Variants in SCD5 observed in about 807,000 individuals in gnomAD.
SCD5 encodes stearoyl-CoA desaturase 5, also known as acyl-CoA-desaturase 4.
Under a neutral mutation model 30.4 loss-of-function variants are expected in SCD5, and 20 were observed. The observed-to-expected ratio is 0.66, with a 90% CI of 0.46 to 0.96. SCD5 has a LOEUF of 0.96. SCD5 is among the 40% of genes least tolerant of loss of function. SCD5 has a pLI of 0.00. For synonymous variants in SCD5, 173 were observed against 176.4 expected, an observed-to-expected ratio of 0.98 and a Z score of 0.16; for missense variants, 381 against 443.3, an observed-to-expected ratio of 0.86 and a Z score of 1.26.
At chr4:82,720,460 A>T (rs920107349) in intron 1 of SCD5, among the ~76,000 whole-genome samples, 3 of 151,220 alleles carry the variant, frequency 2.0e-5, no homozygotes, top group Non-Finnish European at 2.9e-5. Flanking sequence ...AAAAAAAAAA[A>T]AAAGACAAAA....
At chr4:82,720,565 AT>A (rs1163717638) in intron 1 of SCD5, among the ~76,000 whole-genome samples, 2 of 151,994 alleles carry the variant, frequency 1.3e-5, no homozygotes, top group Non-Finnish European at 2.9e-5. Context: ...AATTTCAGAA[AT>A]TATTAATAAT....
At chr4:82,646,607 C>A (rs1410974246) in intron 3 of SCD5, among the ~76,000 whole-genome samples, 1 of 152,068 alleles carries the variant, frequency 6.6e-6, no homozygotes, top group Non-Finnish European at 1.5e-5. Flanking sequence ...TGGCTTTGAC[C>A]CTGAATTAGT....
At position 82,680,851 on chromosome 4, in the gene SCD5, G is replaced by C. The variant is rs868319209; in HGVS notation, c.425C>G (p.Ala142Gly). Residue 142 changes from alanine to glycine, a missense_variant, in exon 3 of 5, where the codon GCT (alanine) becomes GGT (glycine). Physicochemically the swap from Ala to Gly is moderately conservative, Grantham distance 60. Transcript: ENST00000319540. ...GCCCCGGCGGGCATTGTGGGGGTCAGCATCCGTCTCTGAGTACTTGTGGTG... is the reference window on the plus strand; with the variant it reads ...GCCCCGGCGGGCATTGTGGGGGTCACCATCCGTCTCTGAGTACTTGTGGTG... ...RAHHKYSETD[A>G]DPHNARRGFF... 14 of 1,613,834 alleles carry C rather than the reference G, an allele frequency of 8.7e-6. No individual in the cohort carries two copies. In the Middle Eastern group the frequency reaches 2.0e-3, roughly 228 times the overall value.
At chr4:82,721,994 C>T (rs1220654999) in intron 1 of SCD5, among the ~76,000 whole-genome samples, 1 of 152,208 alleles carries the variant, frequency 6.6e-6, no homozygotes, top group African/African-American at 2.4e-5. Flanking sequence ...CTCCACCCTT[C>T]CTGTTGCACA....
intron 1 of SCD5, among the ~76,000 whole-genome samples, chr4:82,727,866 C>A (rs1420371546): frequency 6.6e-6 from 1 of 152,152 alleles, no homozygotes; most frequent in East Asian, 1.9e-4. Flanking sequence ...CACCATCACA[C>A]CCAGCTAATT....
Position 82,635,048 on chromosome 4 carries a change from C to T in SCD5, c.802+1543G>A, listed in dbSNP as rs111720898. ...TGGCCCTAATGAAGTGATGCAGAAT[C>T]TCATCACTGAGTGACACAGAGACCA... On this transcript the variant is annotated intron_variant, in intron 4 of 4. Transcript: ENST00000319540. Among the ~76,000 whole-genome samples, 1,226 of 152,320 alleles carry T rather than the reference C, an allele frequency of 8.0e-3. 10 individuals carry two copies. The highest frequency in any genetic ancestry group is 0.048 in the Middle Eastern group (14 of 294).
chr4:82,641,559 T>C (rs1004089642), intron 3 of SCD5, among the ~76,000 whole-genome samples: 2 of 152,076 alleles, frequency 1.3e-5, no homozygotes, highest in Non-Finnish European at 2.9e-5. Context: ...AGTTAGCCAT[T>C]TGGCTAACTG....
chr4:82,713,974 T>A (rs1720165687), intron 1 of SCD5, among the ~76,000 whole-genome samples: 1 of 152,208 alleles, frequency 6.6e-6, no homozygotes, highest in South Asian at 2.1e-4. Flanking sequence ...GGGTACTCTA[T>A]GATCGCTACA....
chr4:82,684,897 A>G (rs1439960605), intron 2 of SCD5, among the ~76,000 whole-genome samples: 2 of 152,224 alleles, frequency 1.3e-5, no homozygotes, highest in South Asian at 2.1e-4. Flanking sequence ...ACTGTCAAGT[A>G]TGGGTAATCT....
At chr4:82,720,435 C>CAAAAAAAA (rs1720343333) in intron 1 of SCD5, among the ~76,000 whole-genome samples, 4 of 14,394 alleles carry the variant, frequency 2.8e-4, no homozygotes, top group African/African-American at 7.8e-4. Context: ...TCAAAAAAGG[C>CAAAAAAAA]AAAAATAAAA....
chr4:82,773,881 G>A (rs1721681591), intron 1 of SCD5, among the ~76,000 whole-genome samples: 1 of 152,096 alleles, frequency 6.6e-6, no homozygotes, highest in Non-Finnish European at 1.5e-5. Context: ...CTTGAGGTCA[G>A]GAGTTTGAGA....
At chr4:82,671,840 C>T (rs1339749388) in intron 3 of SCD5, among the ~76,000 whole-genome samples, 1 of 152,166 alleles carries the variant, frequency 6.6e-6, no homozygotes, top group African/African-American at 2.4e-5. Context: ...GAGATTGCAC[C>T]ACTGCACTCC....
intron 2 of SCD5, among the ~76,000 whole-genome samples, chr4:82,682,814 A>T (rs781441229): frequency 2.0e-5 from 3 of 151,948 alleles, no homozygotes; most frequent in Admixed American, 6.6e-5. Flanking sequence ...ATGCCCAGCT[A>T]ATTTTTTGTT....
At chr4:82,710,106 G>A (rs1408185283) in intron 1 of SCD5, among the ~76,000 whole-genome samples, 1 of 152,168 alleles carries the variant, frequency 6.6e-6, no homozygotes, top group African/African-American at 2.4e-5. Flanking sequence ...CCCTGGCTGT[G>A]CATTACAGTC....
Position 82,795,809 on chromosome 4 carries a change from C to CAAAA in SCD5, c.232+2493_232+2496dup, listed in dbSNP as rs72115040. Among the ~76,000 whole-genome samples the CAAAA allele has an allele frequency of 3.3e-3, 145 of 43,908 alleles. 19 individuals carry two copies. The highest frequency in any genetic ancestry group is 0.012 in the South Asian group (9 of 776). The allele number at this position is 43,908 out of a possible 152,430, so 28.8% of individuals were successfully genotyped here. On this transcript the variant is annotated intron_variant, in intron 1 of 4. Coordinates refer to ENST00000319540, the MANE Select transcript of SCD5 (RefSeq NM_001037582.3). ...TGCACTCCAGCAAGACCCTGTCTCA[C>CAAAA]AAAAAAAAAAAAAAAAAAAAAAAAA...
chr4:82,740,458 G>T (rs1317257599), intron 1 of SCD5, among the ~76,000 whole-genome samples: 1 of 152,236 alleles, frequency 6.6e-6, no homozygotes, highest in Non-Finnish European at 1.5e-5. Flanking sequence ...ACATCTCATA[G>T]TGTGGCTTTA....
chr4:82,694,569 G>A (rs1429145699), intron 2 of SCD5, among the ~76,000 whole-genome samples: 1 of 151,910 alleles, frequency 6.6e-6, no homozygotes, highest in East Asian at 1.9e-4. Context: ...GGTGGTAATT[G>A]CCTCCAAATT....
At chr4:82,685,153 AG>A (rs1194610148) in intron 2 of SCD5, among the ~76,000 whole-genome samples, 2 of 152,208 alleles carry the variant, frequency 1.3e-5, no homozygotes, top group African/African-American at 4.8e-5. Context: ...GGAATACTGA[AG>A]GGAGCTACAT....
chr4:82,750,233 G>A (rs1317560959), intron 1 of SCD5, among the ~76,000 whole-genome samples: 3 of 152,138 alleles, frequency 2.0e-5, no homozygotes, highest in Non-Finnish European at 2.9e-5. Flanking sequence ...TGGGAGGGCC[G>A]GGGCACTTAC....
Sources: allele counts gnomAD v4.1 joint callset (sites outside exome capture counted in the v4.1 genomes callset), GRCh38; gene constraint gnomAD v4.1.1; transcripts MANE v1.5; gene names NCBI Gene and HGNC (gene_info 2026-07-23, HGNC 2026-07-21).